GTF2H1: variants seen among roughly 807,000 people sequenced by gnomAD.
GTF2H1 encodes BTF2 p62.
In GTF2H1, 16 loss-of-function variants were observed where a neutral mutation model predicts 71.2. The ratio of observed to expected loss-of-function variants is 0.22; its 90% CI spans 0.15 to 0.34. GTF2H1 has a LOEUF of 0.34. Among genes scored for constraint, GTF2H1 ranks in the 10% least tolerant of loss-of-function variants. The pLI is 1.00. For missense variants in GTF2H1, 498 were observed against 648.2 expected, an observed-to-expected ratio of 0.77 and a Z score of 2.52; for synonymous variants, 215 against 219.0, an observed-to-expected ratio of 0.98 and a Z score of 0.16.
intron 1 of GTF2H1, among the ~76,000 whole-genome samples, chr11:18,329,200 T>C (rs1000253867): frequency 2.6e-5 from 4 of 152,226 alleles, no homozygotes; most frequent in African/African-American, 7.2e-5. Context: ...AATCCCTTTT[T>C]AATTAAAAGC....
At chr11:18,324,760 AT>A (rs1864721424) in intron 1 of GTF2H1, among the ~76,000 whole-genome samples, 1 of 152,040 alleles carries the variant, frequency 6.6e-6, no homozygotes, top group Non-Finnish European at 1.5e-5. Flanking sequence ...TTACCAACTG[AT>A]TACTCTTCTC....
At chr11:18,353,397 A>T (rs4150654) in intron 11 of GTF2H1, among the ~76,000 whole-genome samples, 1 of 152,172 alleles carries the variant, frequency 6.6e-6, no homozygotes, top group Non-Finnish European at 1.5e-5. Flanking sequence ...ATCTTCAGCG[A>T]TAGTCTCCGC....
At chr11:18,326,976 T>C (rs568320030) in intron 1 of GTF2H1, among the ~76,000 whole-genome samples, 1 of 152,082 alleles carries the variant, frequency 6.6e-6, no homozygotes, top group East Asian at 1.9e-4. Flanking sequence ...TCCACCTGCC[T>C]CAAAACCTCA....
At chr11:18,360,559 G>A in intron 13 of GTF2H1, 56 bp from the exon 14 acceptor site, 3 of 786,760 alleles carry the variant, frequency 3.8e-6, no homozygotes, top group East Asian at 2.8e-5. Context: ...TTGTTTTTCT[G>A]TTGGTCTCTA....
chr11:18,341,473 T>G, intron 6 of GTF2H1, 55 bp from the exon 7 acceptor site: 1 of 1,602,130 alleles, frequency 6.2e-7, no homozygotes, highest in Non-Finnish European at 8.5e-7. Context: ...ATTATAAGTG[T>G]TAATTTCTGA....
At chr11:18,352,298 G>T in intron 10 of GTF2H1, 31 bp from the exon 11 acceptor site, 1 of 937,914 alleles carries the variant, frequency 1.1e-6, no homozygotes, top group South Asian at 1.3e-5. Context: ...TACTGTGTGT[G>T]ATTAGTAATT....
At chr11:18,331,276 G>A (rs188228932) in intron 1 of GTF2H1, among the ~76,000 whole-genome samples, 105 of 152,120 alleles carry the variant, frequency 6.9e-4, no homozygotes, top group Middle Eastern at 3.4e-3. Context: ...GACTGGTCTC[G>A]AGCTCCTGAG....
chr11:18,361,266 T>C (rs1285639089), intron 14 of GTF2H1, among the ~76,000 whole-genome samples: 2 of 152,194 alleles, frequency 1.3e-5, no homozygotes, highest in Admixed American at 6.5e-5. Context: ...CCCATAGATA[T>C]TCCCTGAGTG....
chr11:18,346,130 A>T (rs564011438), intron 7 of GTF2H1, among the ~76,000 whole-genome samples: 1 of 152,240 alleles, frequency 6.6e-6, no homozygotes, highest in East Asian at 1.9e-4. Context: ...TTTTAGCCTC[A>T]CCAATTCCTG....
intron 14 of GTF2H1, among the ~76,000 whole-genome samples, chr11:18,361,813 G>C (rs917034745): frequency 1.1e-4 from 17 of 152,192 alleles, no homozygotes; most frequent in African/African-American, 3.9e-4. Context: ...ACTGTTCCTG[G>C]GTTCTATTTG....
chr11:18,325,905 G>A (rs147551105), intron 1 of GTF2H1: 76 of 152,306 alleles, frequency 5.0e-4, no homozygotes, highest in African/African-American at 1.6e-3. Flanking sequence ...TTTAAATGTA[G>A]CCTACACCAA....
In GTF2H1 at chr11:18,367,007, A is replaced by G. The variant is rs184139856; in HGVS notation, c.*1138A>G. 6.6e-6 allele frequency: 1 copy of G among 152,336 alleles called. No homozygotes were observed. Among genetic ancestry groups the G allele is most frequent in the East Asian group, 1.9e-4 (1 of 5,190 alleles). The allele number at this position is 152,336 out of a possible 1,614,324, so 9.4% of individuals were successfully genotyped here. On this transcript the variant is annotated 3_prime_UTR_variant, in exon 15 of 15. Transcript: ENST00000265963. ...ATGTCTTGTATTAAAAATTACACAAAAAAAGTAAAACTTTTTATACTTACC... is the reference window on the plus strand; with the variant it reads ...ATGTCTTGTATTAAAAATTACACAAGAAAAGTAAAACTTTTTATACTTACC...
intron 7 of GTF2H1, among the ~76,000 whole-genome samples, chr11:18,342,517 C>T (rs887458037): frequency 1.3e-5 from 2 of 152,110 alleles, no homozygotes; most frequent in African/African-American, 4.8e-5. Flanking sequence ...CCACCTTGGC[C>T]TCCCAAAGTG....
At chr11:18,323,035 C>T (rs1246356748) in intron 1 of GTF2H1, among the ~76,000 whole-genome samples, 1 of 152,196 alleles carries the variant, frequency 6.6e-6, no homozygotes, top group African/African-American at 2.4e-5. Context: ...GACAGAGAAG[C>T]CCTTCCCGTC....
Position 18,338,091 on chromosome 11 carries a change from G to T in GTF2H1, c.348-18G>T, listed in dbSNP as rs371190111. 2.3e-5 allele frequency: 36 copies of T among 1,573,024 alleles called. No individual in the cohort carries two copies. In the African/African-American group the frequency reaches 4.6e-4, roughly 20 times the overall value. ...TATTCTAGAAGTTCAGTTATATTCA[G>T]TATATTCTGCTTTACAGAATGCTGC... On this transcript the variant is annotated intron_variant, in intron 3 of 14. Transcript: ENST00000265963.
intron 10 of GTF2H1, 48 bp from the exon 11 acceptor site, chr11:18,352,281 G>A (rs371589093): frequency 2.4e-5 from 20 of 831,924 alleles, no homozygotes; most frequent in African/African-American, 1.9e-4. Context: ...CAAATGTTGA[G>A]CATCTTTACT....
At position 18,338,095 on chromosome 11, in the gene GTF2H1, A is replaced by G. The variant is rs374362910; in HGVS notation, c.348-14A>G. ...CTAGAAGTTCAGTTATATTCAGTATATTCTGCTTTACAGAATGCTGCAAGA... is the reference window on the plus strand; with the variant it reads ...CTAGAAGTTCAGTTATATTCAGTATGTTCTGCTTTACAGAATGCTGCAAGA... On this transcript the variant is annotated splice_polypyrimidine_tract_variant and intron_variant, in intron 3 of 14. Coordinates refer to ENST00000265963, the MANE Select transcript of GTF2H1 (RefSeq NM_005316.4). 1.5e-5 allele frequency: 24 copies of G among 1,589,948 alleles called. No homozygotes were observed. In the African/African-American group the frequency reaches 2.8e-4, roughly 19 times the overall value.
Position 18,357,998 on chromosome 11 carries a change from C to T in GTF2H1, c.1307C>T (p.Pro436Leu), listed in dbSNP as rs1216046717. The stretch of plus-strand genomic sequence containing the variant: ...AGTAGTACCATCACAGCACTGTCAC[C>T]TGGAGGGGCACTTATGCAGGGAGGA... Reference protein sequence around the residue: ...AASSTITALSPGGALMQGGTQ... With the variant: ...AASSTITALSLGGALMQGGTQ... The change falls in exon 12 of 15, where the codon CCT (proline) becomes CTT (leucine). Residue 436 changes from proline (P) to leucine (L), a missense_variant. This residue lies in a region of GTF2H1 where 266 missense variants were observed against 301.6 expected (regional missense o/e 0.88). Coordinates refer to ENST00000265963, the MANE Select transcript of GTF2H1 (RefSeq NM_005316.4). The T allele has an allele frequency of 1.2e-6, 2 of 1,613,134 alleles. No individual in the cohort carries two copies. The highest frequency in any genetic ancestry group is 2.7e-5 in the African/African-American group (2 of 74,854).
chr11:18,323,900 G>C (rs974333772), intron 1 of GTF2H1, among the ~76,000 whole-genome samples: 6 of 152,188 alleles, frequency 3.9e-5, no homozygotes, highest in African/African-American at 7.2e-5. Flanking sequence ...AGATGGAGAG[G>C]TCACAACCGC....
Sources: gnomAD v4.1 joint callset for allele counts (sites outside exome capture counted in the v4.1 genomes callset) on GRCh38, gnomAD v4.1.1 for gene constraint, gnomAD v4.1.1 regional missense constraint, MANE v1.5 for transcripts, NCBI Gene and HGNC (gene_info 2026-07-23, HGNC 2026-07-21) for gene names.